Variants in ADGB observed in about 807,000 individuals in gnomAD.
ADGB encodes calpain-7-like protein.
A neutral mutation model predicts 210.5 loss-of-function variants in ADGB; 172 were observed. That is an observed-to-expected ratio of 0.82 (90% CI 0.72 to 0.93). The LOEUF (loss-of-function observed/expected upper bound fraction) is 0.93, where lower values mean the gene tolerates loss of function less well. ADGB is among the 40% of genes least tolerant of loss of function. The probability of loss-of-function intolerance (pLI) is 0.00; values close to 1 mark genes in which losing one functional copy is unlikely to be tolerated. For synonymous variants in ADGB, 658 were observed against 662.7 expected (o/e 0.99, Z 0.11); for missense variants, 2,025 against 1,964.8 (o/e 1.03, Z -0.58).
At chr6:146,708,307 C>T (rs1171871944) in intron 13 of ADGB, among the ~76,000 whole-genome samples, 3 of 152,056 alleles carry the variant, frequency 2.0e-5, no homozygotes, top group African/African-American at 7.2e-5. Flanking sequence ...CTTACTTTTA[C>T]CAGTGAGTTT....
At chr6:146,784,529 T>G (rs1777845566) in intron 30 of ADGB, 89 bp from the exon 31 acceptor site, 1 of 1,033,756 alleles carries the variant, frequency 9.7e-7, no homozygotes, top group Non-Finnish European at 1.3e-6. Flanking sequence ...AGTAAATACC[T>G]AATAGTGAAA....
chr6:146,793,197 GCTGATTGGTGCATTTTACAGAGCA>G (rs1777977325), intron 33 of ADGB, among the ~76,000 whole-genome samples: 1 of 152,046 alleles, frequency 6.6e-6, no homozygotes, highest in African/African-American at 2.4e-5. Context: ...TTTACAGAGC[GCTGATTGGTGCATTTTACAGAGCA>G]CTGATTGGTG....
intron 7 of ADGB, among the ~76,000 whole-genome samples, chr6:146,667,682 A>T (rs1775954479): frequency 6.6e-6 from 1 of 152,094 alleles, no homozygotes; most frequent in African/African-American, 2.4e-5. Flanking sequence ...TTCCCTTTAC[A>T]CTTATAAACC....
chr6:146,644,498 GC>G (rs1775576605), intron 2 of ADGB, among the ~76,000 whole-genome samples: 2 of 151,770 alleles, frequency 1.3e-5, no homozygotes, highest in Non-Finnish European at 2.9e-5. Flanking sequence ...AGCATCTCAT[GC>G]TTGTTTAGGC....
chr6:146,785,222 A>G (rs1225169250), intron 31 of ADGB, among the ~76,000 whole-genome samples: 1 of 152,128 alleles, frequency 6.6e-6, no homozygotes, highest in Admixed American at 6.6e-5. Flanking sequence ...TAGAGTCTAG[A>G]GACCCTAGAG....
At chr6:146,756,318 C>A (rs558661980) in intron 27 of ADGB, among the ~76,000 whole-genome samples, 1 of 152,214 alleles carries the variant, frequency 6.6e-6, no homozygotes, top group East Asian at 1.9e-4. Flanking sequence ...ATAGACCTTG[C>A]CACGTGTGGC....
At chr6:146,639,431 A>T (rs1775475060) in intron 2 of ADGB, among the ~76,000 whole-genome samples, 1 of 152,008 alleles carries the variant, frequency 6.6e-6, no homozygotes, top group African/African-American at 2.4e-5. Context: ...ACTGAATGGC[A>T]AGACCTGGAA....
At chr6:146,653,255 C>T (rs1288507643) in intron 3 of ADGB, among the ~76,000 whole-genome samples, 1 of 151,870 alleles carries the variant, frequency 6.6e-6, no homozygotes, top group East Asian at 1.9e-4. Flanking sequence ...TTATGGTGAG[C>T]TGTATAATTA....
chr6:146,613,952 C>G (rs943247579), intron 1 of ADGB, among the ~76,000 whole-genome samples: 1 of 151,768 alleles, frequency 6.6e-6, no homozygotes, highest in Non-Finnish European at 1.5e-5. Context: ...TCACCTTTCG[C>G]AACTCCAGAT....
chr6:146,728,464 A>C, intron 19 of ADGB, 110 bp from the exon 20 acceptor site: 1 of 1,096,194 alleles, frequency 9.1e-7, no homozygotes, highest in Non-Finnish European at 1.2e-6. Context: ...CTCTATAAAG[A>C]ATTATTGAAT....
At chr6:146,729,452 A>C (rs1021872956) in intron 20 of ADGB, among the ~76,000 whole-genome samples, 15 of 152,116 alleles carry the variant, frequency 9.9e-5, no homozygotes, top group Middle Eastern at 3.4e-3. Flanking sequence ...CTCTTTTTTC[A>C]AGAGATGGGG....
intron 13 of ADGB, among the ~76,000 whole-genome samples, chr6:146,711,810 G>A (rs1776660479): frequency 6.6e-6 from 1 of 152,010 alleles, no homozygotes; most frequent in African/African-American, 2.4e-5. Flanking sequence ...CAGGTGGATT[G>A]CTTTAGCTCA....
Position 146,736,602 on chromosome 6 carries a change from C to G in ADGB, c.2888+11C>G. On this transcript the variant is annotated intron_variant, in intron 23 of 35. Coordinates refer to ENST00000397944, the MANE Select transcript of ADGB (RefSeq NM_024694.4). ...AGTTTCTCTCTTAAGGTAAAGCAGTCAAATGATATTTTTATTGCAGTATAT... is the reference window on the plus strand; with the variant it reads ...AGTTTCTCTCTTAAGGTAAAGCAGTGAAATGATATTTTTATTGCAGTATAT... The G allele has an allele frequency of 6.6e-7, 1 of 1,514,370 alleles. No homozygotes were observed. Among genetic ancestry groups the G allele is most frequent in the Non-Finnish European group, 8.9e-7 (1 of 1,123,486 alleles). 93.8% of individuals were successfully genotyped at this position (1,514,370 alleles called of 1,614,324 possible). A position where few individuals can be genotyped will look rare whatever the true frequency, so the allele number is the denominator to read the frequency against.
intron 2 of ADGB, among the ~76,000 whole-genome samples, chr6:146,643,531 A>G (rs1775550372): frequency 6.6e-6 from 1 of 151,186 alleles, no homozygotes; most frequent in Non-Finnish European, 1.5e-5. Context: ...GAACTCTTAC[A>G]TAGTACTTGC....
chr6:146,661,410 G>T (rs1174427779), intron 5 of ADGB, among the ~76,000 whole-genome samples: 1 of 151,532 alleles, frequency 6.6e-6, no homozygotes, highest in Non-Finnish European at 1.5e-5. Flanking sequence ...TAGAGACAGG[G>T]TCTCACTATG....
intron 11 of ADGB, among the ~76,000 whole-genome samples, chr6:146,692,487 T>A (rs1360808129): frequency 6.6e-6 from 1 of 152,228 alleles, no homozygotes; most frequent in Non-Finnish European, 1.5e-5. Context: ...GGGAACTTTT[T>A]TTTTAGTAAA....
chr6:146,644,253 G>C (rs1287992736), intron 2 of ADGB, among the ~76,000 whole-genome samples: 1 of 151,692 alleles, frequency 6.6e-6, no homozygotes, highest in Admixed American at 6.6e-5. Flanking sequence ...AGTTGTATAT[G>C]AATCTATAAT....
At chr6:146,714,561 C>A (rs143009529) in intron 13 of ADGB, among the ~76,000 whole-genome samples, 3 of 152,270 alleles carry the variant, frequency 2.0e-5, no homozygotes, top group African/African-American at 7.2e-5. Flanking sequence ...CCACTTGAAG[C>A]AATTTCAAGT....
At chr6:146,608,969 G>A (rs1780668325) in intron 1 of ADGB, among the ~76,000 whole-genome samples, 1 of 152,174 alleles carries the variant, frequency 6.6e-6, no homozygotes, top group Non-Finnish European at 1.5e-5. Context: ...TCATCGGGGT[G>A]TTAAGGTCTC....
Sources: gnomAD v4.1 joint callset for allele counts (sites outside exome capture counted in the v4.1 genomes callset) on GRCh38, gnomAD v4.1.1 for gene constraint, MANE v1.5 for transcripts, NCBI Gene and HGNC (gene_info 2026-07-23, HGNC 2026-07-21) for gene names.